Variants in PIK3AP1 observed in about 807,000 individuals in gnomAD.
PIK3AP1 encodes phosphoinositide 3-kinase adapter protein 1.
In PIK3AP1, 21 loss-of-function variants were observed where a neutral mutation model predicts 88.1. That is an observed-to-expected ratio of 0.24 (90% CI 0.17 to 0.34). The LOEUF is 0.34. Among genes scored for constraint, PIK3AP1 ranks in the 10% least tolerant of loss-of-function variants. The pLI is 1.00. For synonymous variants in PIK3AP1, 398 were observed against 400.0 expected (o/e 1.00, Z 0.06); for missense variants, 828 against 1,035.7 (o/e 0.80, Z 2.75).
At chr10:96,673,918 C>G (rs537692677) in intron 2 of PIK3AP1, among the ~76,000 whole-genome samples, 138 of 152,244 alleles carry the variant, frequency 9.1e-4, no homozygotes, top group Non-Finnish European at 1.8e-3. Context: ...TTAGGCTGAC[C>G]CTTCGCATTC....
In PIK3AP1 at chr10:96,720,163, AGGCAGG is replaced by A. The variant is rs1265840935; in HGVS notation, c.13+213_13+218del. On this transcript the variant is annotated intron_variant, in intron 1 of 16. Coordinates refer to ENST00000339364, the MANE Select transcript of PIK3AP1 (RefSeq NM_152309.3). The surrounding 1 kb of genome is among the most constrained non-coding windows in gnomAD (Gnocchi z 4.6). ...TGAAGAAGTGGGAGGGGGTCGGGCC[AGGCAGG>A]GGCTGAAGAGAATCGCGCCACAGGC... Among the ~76,000 whole-genome samples the A allele has an allele frequency of 1.3e-5, 2 of 152,222 alleles. No individual in the cohort carries two copies. Among genetic ancestry groups the A allele is most frequent in the Non-Finnish European group, 2.9e-5 (2 of 68,032 alleles).
intron 2 of PIK3AP1, among the ~76,000 whole-genome samples, chr10:96,670,335 A>T (rs1037585878): frequency 6.6e-6 from 1 of 152,190 alleles, no homozygotes; most frequent in Non-Finnish European, 1.5e-5. Context: ...TATTTAAAGT[A>T]ATAAAATAAT....
At chr10:96,603,203 A>G (rs1564950574) in intron 15 of PIK3AP1, among the ~76,000 whole-genome samples, 1 of 152,188 alleles carries the variant, frequency 6.6e-6, no homozygotes, top group Non-Finnish European at 1.5e-5. Context: ...ACCATTTTAA[A>G]GTGGACAATT....
At chr10:96,676,655 T>G (rs1172458) in intron 2 of PIK3AP1, among the ~76,000 whole-genome samples, 3 of 38,878 alleles carry the variant, frequency 7.7e-5, no homozygotes, top group Non-Finnish European at 1.2e-4. Flanking sequence ...TTTTCTGGGG[T>G]TTTTTTTTTT....
chr10:96,595,486 C>T lies in PIK3AP1; in HGVS notation c.*91G>A. The T allele has an allele frequency of 7.5e-7, 1 of 1,327,218 alleles. No individual in the cohort carries two copies. 82.2% of individuals were successfully genotyped at this position (1,327,218 alleles called of 1,614,324 possible). A position where few individuals can be genotyped will look rare whatever the true frequency, so the allele number is the denominator to read the frequency against. Reference sequence around the variant, plus strand: ...GAGAATGGATCTTAAGGTCAACAGTCATGCTATAAAACTCAACATGAAGAC... The same window carrying T: ...GAGAATGGATCTTAAGGTCAACAGTTATGCTATAAAACTCAACATGAAGAC... On this transcript the variant is annotated 3_prime_UTR_variant, in exon 17 of 17. Coordinates refer to ENST00000339364, the MANE Select transcript of PIK3AP1 (RefSeq NM_152309.3).
intron 1 of PIK3AP1, among the ~76,000 whole-genome samples, chr10:96,712,939 GATGGT>G (rs1351096366): frequency 1.3e-5 from 2 of 152,232 alleles, no homozygotes; most frequent in Admixed American, 1.3e-4. Flanking sequence ...CTCAGGAAGG[GATGGT>G]TGTGGTCCCA....
intron 2 of PIK3AP1, among the ~76,000 whole-genome samples, chr10:96,707,171 T>C (rs1345500569): frequency 6.6e-6 from 1 of 152,224 alleles, no homozygotes; most frequent in Non-Finnish European, 1.5e-5. Flanking sequence ...CTACAGTCTT[T>C]GGTAAAAAGT....
At position 96,595,136 on chromosome 10, in the gene PIK3AP1, G is replaced by T. The variant is rs559313135; in HGVS notation, c.*441C>A. 19 of 160,774 alleles carry T rather than the reference G, an allele frequency of 1.2e-4. No homozygotes were observed. The highest frequency in any genetic ancestry group is 1.2e-4 in the Non-Finnish European group (9 of 73,150). The allele number at this position is 160,774 out of a possible 1,614,324, so 10.0% of individuals were successfully genotyped here. On this transcript the variant is annotated 3_prime_UTR_variant, in exon 17 of 17. Coordinates refer to ENST00000339364, the MANE Select transcript of PIK3AP1 (RefSeq NM_152309.3). ...AGTAGAAGAATTATTTTAAAATTAGGTCACTTATCTTACTTGAATACTACA... is the reference window on the plus strand; with the variant it reads ...AGTAGAAGAATTATTTTAAAATTAGTTCACTTATCTTACTTGAATACTACA...
At position 96,671,083 on chromosome 10, in the gene PIK3AP1, A is replaced by G. The variant is rs117062696; in HGVS notation, c.431-14149T>C. ...CATGTCTCTTGTTTACACTGCATTT[A>G]TCTTGTTTACACTGGCTATTTCCTC... On this transcript the variant is annotated intron_variant, in intron 2 of 16. Transcript: ENST00000339364. Among the ~76,000 whole-genome samples the G allele has an allele frequency of 2.4e-4, 36 of 152,336 alleles. No individual in the cohort carries two copies. In the East Asian group the frequency reaches 3.1e-3, roughly 13 times the overall value.
Position 96,628,057 on chromosome 10 carries a change from A to T in PIK3AP1, c.1471+341T>A, listed in dbSNP as rs1843177317. On this transcript the variant is annotated intron_variant, in intron 9 of 16. Coordinates refer to ENST00000339364, the MANE Select transcript of PIK3AP1 (RefSeq NM_152309.3). Reference sequence around the variant, plus strand: ...TTGATCATATCTTATTTTCCTTTGTATCTCCAGCCCCAACATCCAGAACAG... The same window carrying T: ...TTGATCATATCTTATTTTCCTTTGTTTCTCCAGCCCCAACATCCAGAACAG... 2.0e-5 allele frequency among the ~76,000 whole-genome samples: 3 copies of T among 152,206 alleles called. No homozygotes were observed. The South Asian group carries it at 6.2e-4, about 32-fold the overall frequency.
At chr10:96,600,781 A>G (rs923561026) in intron 16 of PIK3AP1, among the ~76,000 whole-genome samples, 1 of 152,242 alleles carries the variant, frequency 6.6e-6, no homozygotes, top group African/African-American at 2.4e-5. Flanking sequence ...GGTTGAAGAA[A>G]AGCTTCCTCC....
intron 16 of PIK3AP1, among the ~76,000 whole-genome samples, chr10:96,600,534 G>A (rs531870890): frequency 6.6e-6 from 1 of 152,334 alleles, no homozygotes; most frequent in Non-Finnish European, 1.5e-5. Context: ...CCCGGTGGGT[G>A]TGGCACAGCC....
chr10:96,696,625 C>T (rs1019610610), intron 2 of PIK3AP1, among the ~76,000 whole-genome samples: 1 of 152,142 alleles, frequency 6.6e-6, no homozygotes, highest in African/African-American at 2.4e-5. Flanking sequence ...CCTCTGCCCC[C>T]ATTATCTTTC....
At chr10:96,614,833 T>C (rs1167405335) in intron 13 of PIK3AP1, among the ~76,000 whole-genome samples, 2 of 152,214 alleles carry the variant, frequency 1.3e-5, no homozygotes, top group Non-Finnish European at 1.5e-5. Context: ...CACTGTACTG[T>C]TCTGCACACT....
chr10:96,638,370 G>A (rs918955111), intron 8 of PIK3AP1, among the ~76,000 whole-genome samples: 1 of 152,008 alleles, frequency 6.6e-6, no homozygotes, highest in African/African-American at 2.4e-5. Flanking sequence ...AGAATTGTGA[G>A]CTAAATAAAC....
chr10:96,696,550 G>A (rs982644764), intron 2 of PIK3AP1, among the ~76,000 whole-genome samples: 6 of 152,124 alleles, frequency 3.9e-5, no homozygotes, highest in East Asian at 1.9e-4. Context: ...GAAAAGCTGC[G>A]AAAACATCCT....
intron 10 of PIK3AP1, among the ~76,000 whole-genome samples, chr10:96,623,989 A>C (rs1843121712): frequency 6.6e-6 from 1 of 152,230 alleles, no homozygotes; most frequent in African/African-American, 2.4e-5. Flanking sequence ...GGACAGATTC[A>C]TGAAGGTTAG....
chr10:96,719,263 C>T (rs1844541665), intron 1 of PIK3AP1, among the ~76,000 whole-genome samples: 1 of 152,188 alleles, frequency 6.6e-6, no homozygotes, highest in South Asian at 2.1e-4. Flanking sequence ...CCGAAGCACC[C>T]TTACCAGACC....
intron 2 of PIK3AP1, among the ~76,000 whole-genome samples, chr10:96,702,245 A>T (rs1844306469): frequency 6.6e-6 from 1 of 152,188 alleles, no homozygotes; most frequent in South Asian, 2.1e-4. Flanking sequence ...TCATGCCTGT[A>T]ATCCCAACAG....
Sources: gnomAD v4.1 joint callset for allele counts (sites outside exome capture counted in the v4.1 genomes callset) on GRCh38, gnomAD v4.1.1 for gene constraint, Gnocchi (gnomAD v3.1) non-coding constraint, MANE v1.5 for transcripts, NCBI Gene and HGNC (gene_info 2026-07-23, HGNC 2026-07-21) for gene names.